DDOST: variants seen among roughly 807,000 people sequenced by gnomAD.
The protein encoded by DDOST is dolichyl-diphosphooligosaccharide--protein glycosyltransferase 48 kDa subunit.
In DDOST, 25 loss-of-function variants were observed where a neutral mutation model predicts 47.6. That is an observed-to-expected ratio of 0.53 (90% CI 0.38 to 0.73). The LOEUF is 0.73. Among genes scored for constraint, DDOST ranks in the 30% least tolerant of loss-of-function variants. DDOST has a pLI of 0.00. For missense variants in DDOST, 526 were observed against 573.9 expected, an observed-to-expected ratio of 0.92 and a Z score of 0.85; for synonymous variants, 275 against 236.0, an observed-to-expected ratio of 1.17 and a Z score of -1.51.
At position 20,660,975 on chromosome 1, in the gene DDOST, G is replaced by A; in HGVS notation, c.171C>T (p.Leu57=). The A allele has an allele frequency of 6.2e-7, 1 of 1,613,412 alleles. No homozygotes were observed. The highest frequency in any genetic ancestry group is 8.5e-7 in the Non-Finnish European group (1 of 1,179,376). The change falls in exon 2 of 11, where the codon CTC becomes CTT. Residue 57 remains leucine (L), a synonymous_variant. Transcript: ENST00000602624. ...TGGGGTCATCAGCGGTCTTGAATGT[G>A]AGCTCAAAGCCCCGGTCTGGACAAG... ...FRSLKDRGFE[L]TFKTADDPSL...
chr1:20,659,013 G>A (rs1384945434), intron 2 of DDOST, among the ~76,000 whole-genome samples: 2 of 151,156 alleles, frequency 1.3e-5, no homozygotes, highest in East Asian at 1.9e-4. Flanking sequence ...GCACCACCAC[G>A]CCCGGCTAAT....
Position 20,661,244 on chromosome 1 carries a change from T to A in DDOST, c.107A>T (p.Asn36Ile). 6.2e-7 allele frequency: 1 copy of A among 1,613,986 alleles called. No homozygotes were observed. Among genetic ancestry groups the A allele is most frequent in the Non-Finnish European group, 8.5e-7 (1 of 1,180,014 alleles). Residue 36 changes from asparagine to isoleucine, a missense_variant, in exon 1 of 11, where the codon AAC becomes ATC. Physicochemically the swap from Asn to Ile is moderately radical, Grantham distance 149. Coordinates refer to ENST00000602624, the MANE Select transcript of DDOST (RefSeq NM_005216.5). ...SGPRTLVLLDNLNVRETHSLF... is the reference protein window; with the variant it reads ...SGPRTLVLLDILNVRETHSLF... ...CGAATGAGTCTCCCGCACGTTGAGG[T>A]TGTCCAGCAGCACTAAGGTGCGGGG... is the stretch of plus-strand genomic sequence containing the variant.
Position 20,655,494 on chromosome 1 carries a change from G to C in DDOST, c.497C>G (p.Ala166Gly). The C allele has an allele frequency of 1.2e-6, 2 of 1,614,080 alleles. No individual in the cohort carries two copies. The highest frequency in any genetic ancestry group is 1.7e-6 in the Non-Finnish European group (2 of 1,179,980). The change falls in exon 5 of 11, where the codon GCC (alanine) becomes GGC (glycine). Residue 166 changes from alanine (A) to glycine (G), a missense_variant. By Grantham distance (60) the Ala-to-Gly change is moderately conservative (BLOSUM62 0). Transcript: ENST00000602624. ...IVADTENLLK[A>G]PTIVGKSSLN... is the part of the protein sequence containing the mutation. The stretch of plus-strand genomic sequence containing the variant: ...AGATGATTTCCCAACGATGGTTGGG[G>C]CCTTCAGCAGGTTCTCAGTGTCAGC...
At chr1:20,653,144 C>T (rs1329164892) in intron 8 of DDOST, 173 bp from the exon 9 acceptor site, 1 of 684,102 alleles carries the variant, frequency 1.5e-6, no homozygotes, top group East Asian at 2.7e-5. Flanking sequence ...AGTCTCTCTC[C>T]TCAGCAAGGT....
At chr1:20,660,581 G>C (rs1289396661) in intron 2 of DDOST, 1 of 225,912 alleles carries the variant, frequency 4.4e-6, no homozygotes, top group Non-Finnish European at 8.8e-6. Flanking sequence ...CAACCCAGGA[G>C]CTTTCCATCT....
intron 2 of DDOST, among the ~76,000 whole-genome samples, chr1:20,658,354 T>G (rs551574898): frequency 1.3e-5 from 2 of 152,288 alleles, no homozygotes; most frequent in Admixed American, 6.5e-5. Context: ...ACAGTGACAG[T>G]AGTCATGGGA....
Position 20,652,540 on chromosome 1 carries a change from CAG to C in DDOST, c.1171-14_1171-13del, listed in dbSNP as rs771896096. ...GGCCGCACGGATACCTGCAGGAGGA[CAG>C]AGGTGGCAGGACCTGGCCACTGCAG... On this transcript the variant is annotated splice_polypyrimidine_tract_variant and intron_variant, in intron 10 of 10. Transcript: ENST00000602624. 3.1e-6 allele frequency: 5 copies of C among 1,613,778 alleles called. No individual in the cohort carries two copies. The highest frequency in any genetic ancestry group is 8.5e-7 in the Non-Finnish European group (1 of 1,179,884).
intron 2 of DDOST, among the ~76,000 whole-genome samples, chr1:20,658,513 G>A (rs997372251): frequency 5.9e-5 from 9 of 152,272 alleles, no homozygotes; most frequent in African/African-American, 9.6e-5. Context: ...GCAGCAACGC[G>A]AATGCGGGAA....
chr1:20,652,295 T>G lies in DDOST; in HGVS notation c.*84A>C, dbSNP rs2053300528. 1.4e-6 allele frequency: 2 copies of G among 1,400,950 alleles called. No individual in the cohort carries two copies. The highest frequency in any genetic ancestry group is 1.9e-6 in the Non-Finnish European group (2 of 1,059,850). 86.8% of individuals were successfully genotyped at this position (1,400,950 alleles called of 1,614,324 possible). ...AAGTTGTGCCATTTTCCCACGGCTT[T>G]AAACAAAGCAAAACAAAACCACCAA... On this transcript the variant is annotated 3_prime_UTR_variant, in exon 11 of 11. Transcript: ENST00000602624.
At chr1:20,654,155 C>A in intron 7 of DDOST, 68 bp downstream of exon 7, 1 of 1,517,368 alleles carries the variant, frequency 6.6e-7, no homozygotes, top group Non-Finnish European at 8.9e-7. Flanking sequence ...TCTTCCCCTT[C>A]TGAGTCCTCC....
chr1:20,660,499 A>G (rs2053423402), intron 2 of DDOST: 2 of 160,588 alleles, frequency 1.2e-5, no homozygotes, highest in African/African-American at 4.8e-5. Flanking sequence ...ATCAACTGCC[A>G]CAATGCACAA....
chr1:20,661,164 C>A (rs751727838), intron 1 of DDOST, 33 bp downstream of exon 1: 5 of 1,605,370 alleles, frequency 3.1e-6, no homozygotes, highest in Admixed American at 1.7e-5. Flanking sequence ...ACCCCAGGCC[C>A]CCACACGCTA....
chr1:20,653,231 G>A, intron 8 of DDOST: 1 of 553,552 alleles, frequency 1.8e-6, no homozygotes, highest in Non-Finnish European at 3.2e-6. Context: ...GCCCATCAAA[G>A]TCTGGACCCA....
At chr1:20,661,093 G>A in intron 1 of DDOST, 102 bp from the exon 2 acceptor site, 1 of 1,485,124 alleles carries the variant, frequency 6.7e-7, no homozygotes, top group Non-Finnish European at 9.3e-7. Context: ...CCAGACCCGG[G>A]CGGCCTGCTC....
intron 8 of DDOST, 105 bp from the exon 9 acceptor site, chr1:20,653,076 T>G (rs1450195310): frequency 6.8e-7 from 1 of 1,467,050 alleles, no homozygotes; most frequent in African/African-American, 1.4e-5. Context: ...ATGGCAGGAA[T>G]GCCCAGGAGT....
At position 20,653,957 on chromosome 1, in the gene DDOST, G is replaced by T. The variant is rs2070660; in HGVS notation, c.795-183C>A. On this transcript the variant is annotated intron_variant, in intron 7 of 10. Transcript: ENST00000602624. ...AACAAACGAAAAGATATGGCTGGTT[G>T]CTTGTCATCTGCACAACAAATACAC... Among the ~76,000 whole-genome samples, 30,865 of 152,116 alleles carry T rather than the reference G, an allele frequency of 0.2. 3,289 individuals are homozygous for T. Among genetic ancestry groups the T allele is most frequent in the African/African-American group, 0.24 (9,958 of 41,496 alleles).
intron 2 of DDOST, among the ~76,000 whole-genome samples, chr1:20,657,304 G>A (rs1055086729): frequency 1.3e-5 from 2 of 152,226 alleles, no homozygotes; most frequent in Admixed American, 6.5e-5. Flanking sequence ...GCCGTGGGGA[G>A]CCGCTGGACG....
chr1:20,658,539 C>T (rs1311190992), intron 2 of DDOST, among the ~76,000 whole-genome samples: 2 of 152,266 alleles, frequency 1.3e-5, no homozygotes, highest in South Asian at 2.1e-4. Context: ...CTTTAAATAA[C>T]CTTGAATCTC....
At chr1:20,654,119 C>T (rs758351296) in intron 7 of DDOST, 104 bp downstream of exon 7, 314 of 1,350,362 alleles carry the variant, frequency 2.3e-4, no homozygotes, top group Middle Eastern at 5.2e-4. Flanking sequence ...CACTCAGCCT[C>T]TGACACTTTT....
Sources: gnomAD v4.1 joint callset for allele counts (sites outside exome capture counted in the v4.1 genomes callset) on GRCh38, gnomAD v4.1.1 for gene constraint, MANE v1.5 for transcripts, NCBI Gene and HGNC (gene_info 2026-07-23, HGNC 2026-07-21) for gene names.